IGF2: variants seen among roughly 807,000 people sequenced by gnomAD.
The protein encoded by IGF2 is insulin-like growth factor 2.
A neutral mutation model predicts 12.0 loss-of-function variants in IGF2; 2 were observed. The observed-to-expected ratio is 0.17, with a 90% CI of 0.07 to 0.52. The LOEUF (loss-of-function observed/expected upper bound fraction) is 0.52. Among genes scored for constraint, IGF2 ranks in the 20% least tolerant of loss-of-function variants. The probability of loss-of-function intolerance (pLI) is 0.95; values close to 1 mark genes in which losing one functional copy is unlikely to be tolerated. For synonymous variants in IGF2, 105 were observed against 110.1 expected (o/e 0.95, Z 0.29); for missense variants, 211 against 268.0 (o/e 0.79, Z 1.48).
Position 2,133,282 on chromosome 11 carries a change from C to T in IGF2, c.307-59G>A, listed in dbSNP as rs1248483183. 2.0e-5 allele frequency: 26 copies of T among 1,269,766 alleles called. No homozygotes were observed. The highest frequency in any genetic ancestry group is 5.9e-5 in the South Asian group (4 of 67,556). The allele number at this position is 1,269,766 out of a possible 1,614,324, so 78.7% of individuals were successfully genotyped here. A position where few individuals can be genotyped will look rare whatever the true frequency, so the allele number is the denominator to read the frequency against. ...GCTCTCCACGCTCTTCCGCCTGAGC[C>T]GCCCGCCTGACCTGACAGGCCACCC... On this transcript the variant is annotated intron_variant, in intron 3 of 3. Transcript: ENST00000416167. The surrounding 1 kb of genome is among the most constrained non-coding windows in gnomAD (Gnocchi z 8.9).
upstream of IGF2, among the ~76,000 whole-genome samples, chr11:2,145,961 T>C (rs1290630788): frequency 6.6e-6 from 1 of 151,698 alleles, no homozygotes. Flanking sequence ...AGTCCAAGGG[T>C]GTTGGGAGGG....
chr11:2,132,956 G>A lies in IGF2; in HGVS notation c.*31C>T, dbSNP rs1219513316. On this transcript the variant is annotated 3_prime_UTR_variant, in exon 4 of 4. Transcript: ENST00000416167. ...GTCAGGAGGAGGCTGCAGGATGGTG[G>A]CGCCGGGCTGCAGACTTGCGGCAGT... The A allele has an allele frequency of 7.2e-7, 1 of 1,397,906 alleles. No homozygotes were observed. The highest frequency in any genetic ancestry group is 9.7e-7 in the Non-Finnish European group (1 of 1,034,622). 86.6% of individuals were successfully genotyped at this position (1,397,906 alleles called of 1,614,324 possible). A position where few individuals can be genotyped will look rare whatever the true frequency, so the allele number is the denominator to read the frequency against.
chr11:2,139,634 G>C (rs1461752371), upstream of IGF2, among the ~76,000 whole-genome samples: 1 of 150,564 alleles, frequency 6.6e-6, no homozygotes, highest in East Asian at 2.0e-4. Flanking sequence ...GCTGGGTGGG[G>C]GGCAGGGAGC....
intron 1 of IGF2, chr11:2,137,159 G>A (rs1176959143): frequency 9.0e-6 from 8 of 884,632 alleles, no homozygotes; most frequent in African/African-American, 3.6e-5. Context: ...GGATGGCAGC[G>A]GGGGTCCTCA....
the IGF2 span, chr11:2,146,493 C>G: frequency 4.1e-5 from 19 of 468,852 alleles, no homozygotes; most frequent in Non-Finnish European, 8.4e-5. Context: ...CAGCACAGAC[C>G]ACCCCAAGGC....
Position 2,138,386 on chromosome 11 carries a change from T to A in IGF2, c.-164A>T. 2.4e-6 allele frequency: 1 copy of A among 415,018 alleles called. No individual in the cohort carries two copies. The highest frequency in any genetic ancestry group is 3.0e-6 in the Non-Finnish European group (1 of 328,166). 25.7% of individuals were successfully genotyped at this position (415,018 alleles called of 1,614,324 possible). A position where few individuals can be genotyped will look rare whatever the true frequency, so the allele number is the denominator to read the frequency against. ...GGGCAGAGCGGGGGGATGGCTTTTT[T>A]TTGGGGGGGGGGGGAGAATTCGTCT... On this transcript the variant is annotated 5_prime_UTR_variant, in exon 1 of 4. Coordinates refer to ENST00000416167, the MANE Select transcript of IGF2 (RefSeq NM_000612.6).
intron 1 of IGF2, among the ~76,000 whole-genome samples, chr11:2,136,596 C>T (rs549134898): frequency 2.0e-5 from 3 of 152,254 alleles, no homozygotes; most frequent in Non-Finnish European, 2.9e-5. Flanking sequence ...GCCTTCGCTC[C>T]GCAGACCCAG....
intron 1 of IGF2, among the ~76,000 whole-genome samples, chr11:2,135,924 G>A (rs1399070410): frequency 3.9e-5 from 6 of 152,124 alleles, no homozygotes; most frequent in African/African-American, 1.4e-4. Flanking sequence ...CCAGCCCAGC[G>A]TCACATCGCC....
Position 2,132,612 on chromosome 11 carries a change from T to G in IGF2, c.*375A>C. The G allele has an allele frequency of 5.0e-6, 1 of 198,052 alleles. No individual in the cohort carries two copies. The highest frequency in any genetic ancestry group is 7.7e-5 in the East Asian group (1 of 12,946). The allele number at this position is 198,052 out of a possible 1,614,324, so 12.3% of individuals were successfully genotyped here. A position where few individuals can be genotyped will look rare whatever the true frequency, so the allele number is the denominator to read the frequency against. Reference sequence around the variant, plus strand: ...TTTTTAAAGCCAATTTCTGAGCTTTTGTGGGGTGTTTCTAAAAAGCCAATT... The same window carrying G: ...TTTTTAAAGCCAATTTCTGAGCTTTGGTGGGGTGTTTCTAAAAAGCCAATT... On this transcript the variant is annotated 3_prime_UTR_variant, in exon 4 of 4. Transcript: ENST00000416167.
upstream of IGF2, among the ~76,000 whole-genome samples, chr11:2,144,527 G>A (rs116190977): frequency 1.7e-4 from 26 of 152,360 alleles, no homozygotes; most frequent in Non-Finnish European, 1.9e-4. Flanking sequence ...GAAACACGGG[G>A]CCCGGGAGGA....
At position 2,129,833 on chromosome 11, in the gene IGF2, A is replaced by C; in HGVS notation, c.*3154T>G. ...CAAGTGGGGGCGAGGTAAACCTCCC[A>C]GAGGCCGAGTCCCTGCCGCAGCCCT... On this transcript the variant is annotated 3_prime_UTR_variant, in exon 4 of 4. Transcript: ENST00000416167. This position sits in a 1 kb window ranked among gnomAD's most constrained non-coding sequence, Gnocchi z 8.1. 4.3e-6 allele frequency: 1 copy of C among 232,316 alleles called. No homozygotes were observed. 14.4% of individuals were successfully genotyped at this position (232,316 alleles called of 1,614,324 possible). A position where few individuals can be genotyped will look rare whatever the true frequency, so the allele number is the denominator to read the frequency against.
chr11:2,145,823 C>T (rs1244327551), upstream of IGF2, among the ~76,000 whole-genome samples: 6 of 152,052 alleles, frequency 3.9e-5, no homozygotes, highest in Admixed American at 1.3e-4. Flanking sequence ...GGGGCAGACG[C>T]GGGTCACCCT....
At chr11:2,149,075 C>T in the IGF2 span, 1 of 1,557,670 alleles carries the variant, frequency 6.4e-7, no homozygotes, top group Non-Finnish European at 8.8e-7. Flanking sequence ...CACGCCTGAA[C>T]ACTTAAAGTG....
chr11:2,147,625 C>A, the IGF2 span: 10 of 1,241,600 alleles, frequency 8.1e-6, no homozygotes, highest in Non-Finnish European at 1.0e-5. The surrounding 1 kb of genome is among the most constrained non-coding windows in gnomAD (Gnocchi z 7.2). Flanking sequence ...GTTCTGGGAG[C>A]GCTGGGGTCG....
At chr11:2,143,865 T>A, upstream of IGF2, among the ~76,000 whole-genome samples, 1 of 152,184 alleles carries the variant, frequency 6.6e-6, no homozygotes, top group East Asian at 1.9e-4. Flanking sequence ...TGGATTGGAA[T>A]CCCCCGAGGA....
rs908988826 is a variant in IGF2, at chr11:2,130,858, T to TG, written c.*2128dup. ...CGGCCCCCGAGGACTCCACATTTCT[T>TG]GGGGGGTCCCCAGGAGACGGGCAAA... On this transcript the variant is annotated 3_prime_UTR_variant, in exon 4 of 4. Coordinates refer to ENST00000416167, the MANE Select transcript of IGF2 (RefSeq NM_000612.6). The TG allele has an allele frequency of 5.2e-5, 10 of 193,236 alleles. No individual in the cohort carries two copies. Among genetic ancestry groups the TG allele is most frequent in the South Asian group, 2.0e-4 (1 of 5,068 alleles). The allele number at this position is 193,236 out of a possible 1,614,324, so 12.0% of individuals were successfully genotyped here.
chr11:2,140,372 C>G (rs1242410856), upstream of IGF2: 6 of 1,350,876 alleles, frequency 4.4e-6, no homozygotes, highest in African/African-American at 1.5e-5. Flanking sequence ...AAATCCCGCA[C>G]CCCGCCAGCC....
rs778035874 is a variant in IGF2, at chr11:2,133,452, C to G, written c.306+65G>C. 3 of 1,513,218 alleles carry G rather than the reference C, an allele frequency of 2.0e-6. No homozygotes were observed. The African/African-American group carries it at 4.2e-5, about 21-fold the overall frequency. The allele number at this position is 1,513,218 out of a possible 1,614,324, so 93.7% of individuals were successfully genotyped here. On this transcript the variant is annotated intron_variant, in intron 3 of 3. Coordinates refer to ENST00000416167, the MANE Select transcript of IGF2 (RefSeq NM_000612.6). This position sits in a 1 kb window ranked among gnomAD's most constrained non-coding sequence, Gnocchi z 8.9. ...AAGAGGTCCCAGAGGCCACAGGAAACGCTGGGCGCCCGAAGCCCTATTTCT... is the reference window on the plus strand; with the variant it reads ...AAGAGGTCCCAGAGGCCACAGGAAAGGCTGGGCGCCCGAAGCCCTATTTCT...
At position 2,138,561 on chromosome 11, in the gene IGF2, AG is replaced by A. The variant is rs150408391; in HGVS notation, c.-340del. The A allele has an allele frequency of 9.6e-3, 3,609 of 377,708 alleles. 159 individuals carry two copies. In the African/African-American group the frequency reaches 0.15, roughly 15 times the overall value. The allele number at this position is 377,708 out of a possible 1,614,324, so 23.4% of individuals were successfully genotyped here. On this transcript the variant is annotated 5_prime_UTR_variant, in exon 1 of 4. Transcript: ENST00000416167. ...GTGGGAGAGACAGAGTGAACGTGAA[AG>A]GGGGGGGCCGAAGAGAGGGCGAGGG...
Sources: gnomAD v4.1 joint callset for allele counts (sites outside exome capture counted in the v4.1 genomes callset) on GRCh38, gnomAD v4.1.1 for gene constraint, Gnocchi (gnomAD v3.1) non-coding constraint, MANE v1.5 for transcripts, NCBI Gene and HGNC (gene_info 2026-07-23, HGNC 2026-07-21) for gene names.